MEF2C: variants seen among roughly 807,000 people sequenced by gnomAD.
MEF2C encodes myocyte enhancer factor 2C, also known as myocyte-specific enhancer factor 2C.
A neutral mutation model predicts 50.5 loss-of-function variants in MEF2C; 6 were observed. The ratio of observed to expected loss-of-function variants is 0.12; its 90% confidence interval spans 0.07 to 0.23. The LOEUF (loss-of-function observed/expected upper bound fraction) is 0.23, where lower values mean the gene tolerates loss of function less well. MEF2C is among the 10% of genes least tolerant of loss of function. The probability of loss-of-function intolerance (pLI) is 1.00; values close to 1 mark genes in which losing one functional copy is unlikely to be tolerated. For synonymous variants in MEF2C, 183 were observed against 228.0 expected (o/e 0.80, Z 1.78); for missense variants, 276 against 605.0 (o/e 0.46, Z 5.70).
chr5:88,798,793 C>G (rs1040142616), intron 3 of MEF2C, among the ~76,000 whole-genome samples: 6 of 152,164 alleles, frequency 3.9e-5, no homozygotes, highest in African/African-American at 4.8e-5. Flanking sequence ...TACCTTTGGT[C>G]TTTGATGCTG....
intron 4 of MEF2C, among the ~76,000 whole-genome samples, chr5:88,754,141 G>C (rs1774127356): frequency 6.6e-6 from 1 of 152,200 alleles, no homozygotes; most frequent in Admixed American, 6.5e-5. Context: ...CTGGTCAGTG[G>C]GGGAGGCACC....
rs191786512 is a variant in MEF2C at position 88,768,712 on chromosome 5, G to A, written c.259-7384C>T. ...AATGTTCAAATGTTAGAGGGAGGAA[G>A]ATTAGTCTCAGTGCAGTATTTTGCA... On this transcript the variant is annotated intron_variant, in intron 3 of 10. Transcript: ENST00000504921. The A allele has an allele frequency of 1.5e-4, 145 of 984,958 alleles. 5 individuals carry two copies. The East Asian group carries it at 0.011, about 76-fold the overall frequency. 61.0% of individuals were successfully genotyped at this position (984,958 alleles called of 1,614,324 possible).
chr5:88,788,223 C>T (rs1487846134), intron 3 of MEF2C, among the ~76,000 whole-genome samples: 3 of 150,884 alleles, frequency 2.0e-5, no homozygotes, highest in Admixed American at 6.6e-5. Context: ...GACTGTGTCT[C>T]GCTCTGTCAC....
intron 3 of MEF2C, among the ~76,000 whole-genome samples, chr5:88,791,176 T>G (rs1010303606): frequency 4.6e-5 from 7 of 152,164 alleles, no homozygotes; most frequent in African/African-American, 1.7e-4. Context: ...ATATGCTGCT[T>G]ACCACCAAGT....
rs1205052305 is a variant in MEF2C at position 88,841,543 on chromosome 5, G to GA, written c.-142-17614dup. 4.4e-4 allele frequency among the ~76,000 whole-genome samples: 64 copies of GA among 146,458 alleles called. 1 individual carries two copies. Among genetic ancestry groups the GA allele is most frequent in the African/African-American group, 1.0e-3 (42 of 40,100 alleles). Reference sequence around the variant, plus strand: ...AAAAAAGAAGAAAAAAAGAAGCAAAGAAAAAAAAATGATCTTAGGCTTTAG... The same window carrying GA: ...AAAAAAGAAGAAAAAAAGAAGCAAAGAAAAAAAAAATGATCTTAGGCTTTAG... On this transcript the variant is annotated intron_variant, in intron 1 of 10. Coordinates refer to ENST00000504921, the MANE Select transcript of MEF2C (RefSeq NM_002397.5).
rs1169605093 is a variant in MEF2C, at chr5:88,797,454, C to CTTTTTTTTTTTTTTTTTTTTTTTTTT, written c.258+7143_258+7144insAAAAAAAAAAAAAAAAAAAAAAAAAA. ...TCACAGACTAGGATTGCAACCCTTG[C>CTTTTTTTTTTTTTTTTTTTTTTTTTT]CTTTTTTTTTTTTTTTTTTTTTTTT... On this transcript the variant is annotated intron_variant, in intron 3 of 10. Coordinates refer to ENST00000504921, the MANE Select transcript of MEF2C (RefSeq NM_002397.5). Among the ~76,000 whole-genome samples the CTTTTTTTTTTTTTTTTTTTTTTTTTT allele has an allele frequency of 1.6e-4, 4 of 25,242 alleles. 2 individuals are homozygous for CTTTTTTTTTTTTTTTTTTTTTTTTTT. Among genetic ancestry groups the CTTTTTTTTTTTTTTTTTTTTTTTTTT allele is most frequent in the African/African-American group, 2.6e-4 (2 of 7,732 alleles). 16.6% of individuals were successfully genotyped at this position (25,242 alleles called of 152,430 possible). A position where few individuals can be genotyped will look rare whatever the true frequency, so the allele number is the denominator to read the frequency against.
intron 3 of MEF2C, chr5:88,775,859 C>G (rs1173101150): frequency 1.0e-6 from 1 of 970,660 alleles, no homozygotes; most frequent in African/African-American, 1.8e-5. Flanking sequence ...GATTTATATA[C>G]ATTTTATTTT....
At chr5:88,884,751 G>A (rs1334372995), upstream of MEF2C, among the ~76,000 whole-genome samples, 3 of 150,642 alleles carry the variant, frequency 2.0e-5, no homozygotes, top group Admixed American at 2.0e-4. Flanking sequence ...AGACTGATAA[G>A]GGAGGATACT....
At chr5:88,743,307 C>A in intron 6 of MEF2C, 1 of 985,206 alleles carries the variant, frequency 1.0e-6, no homozygotes, top group Non-Finnish European at 1.2e-6. Flanking sequence ...AAATTTTTAA[C>A]CACTTCACTG....
intron 1 of MEF2C, among the ~76,000 whole-genome samples, chr5:88,832,723 AC>A (rs1813552100): frequency 6.6e-6 from 1 of 152,196 alleles, no homozygotes; most frequent in African/African-American, 2.4e-5. Flanking sequence ...CAAAGCAGAA[AC>A]AGTTAAATTA....
chr5:88,738,234 G>A (rs1292106122), intron 6 of MEF2C: 2 of 985,234 alleles, frequency 2.0e-6, no homozygotes, highest in Admixed American at 1.2e-4. Context: ...GAGGCTCTCA[G>A]GTACTCATCT....
At chr5:88,768,911 C>T (rs1221285676) in intron 3 of MEF2C, among the ~76,000 whole-genome samples, 2 of 152,124 alleles carry the variant, frequency 1.3e-5, no homozygotes, top group Non-Finnish European at 2.9e-5. Context: ...AACATTATAA[C>T]TCACAAATTT....
upstream of MEF2C, among the ~76,000 whole-genome samples, chr5:88,886,649 G>C (rs1037679457): frequency 6.6e-6 from 1 of 152,170 alleles, no homozygotes; most frequent in Non-Finnish European, 1.5e-5. Context: ...TGGGATTGAT[G>C]TACTACTGTA....
At chr5:88,785,870 T>G (rs374832551) in intron 3 of MEF2C, among the ~76,000 whole-genome samples, 2 of 151,790 alleles carry the variant, frequency 1.3e-5, no homozygotes, top group East Asian at 3.9e-4. Context: ...GGGGCTAAAA[T>G]GTTTATTGGC....
At chr5:88,883,319 A>AAGAAGGAGGAGGAAG (rs1561481239), upstream of MEF2C, 2 of 151,742 alleles carry the variant, frequency 1.3e-5, no homozygotes, top group African/African-American at 2.4e-5. Context: ...GAGGAGGAGG[A>AAGAAGGAGGAGGAAG]AGAAGGAGGA....
chr5:88,834,763 A>G (rs1173291301), intron 1 of MEF2C, among the ~76,000 whole-genome samples: 1 of 152,120 alleles, frequency 6.6e-6, no homozygotes, highest in Non-Finnish European at 1.5e-5. Flanking sequence ...CTGGTGGTAC[A>G]AGCCTGGCCA....
intron 4 of MEF2C, among the ~76,000 whole-genome samples, chr5:88,760,794 G>A (rs1029729044): frequency 5.9e-5 from 9 of 152,158 alleles, no homozygotes; most frequent in Non-Finnish European, 1.2e-4. Flanking sequence ...TGAACTTTTC[G>A]ATGGCAACTC....
chr5:88,789,937 C>G (rs1052959232), intron 3 of MEF2C, among the ~76,000 whole-genome samples: 1 of 152,010 alleles, frequency 6.6e-6, no homozygotes, highest in Admixed American at 6.6e-5. Flanking sequence ...TTATTTTGAC[C>G]AAGAAAATAA....
At position 88,742,957 on chromosome 5, in the gene MEF2C, AAATAAT is replaced by A. The variant is rs533654002; in HGVS notation, c.637+6107_637+6112del. ...AAATATCATTGTTACTTAATTTCAT[AAATAAT>A]AATAATAAAGCAATGCCGTTAGTTA... On this transcript the variant is annotated intron_variant, in intron 6 of 10. Coordinates refer to ENST00000504921, the MANE Select transcript of MEF2C (RefSeq NM_002397.5). The A allele has an allele frequency of 8.2e-4, 801 of 973,892 alleles. 2 individuals carry two copies. Among genetic ancestry groups the A allele is most frequent in the Middle Eastern group, 2.6e-3 (5 of 1,890 alleles). 60.3% of individuals were successfully genotyped at this position (973,892 alleles called of 1,614,324 possible).
Sources: allele counts gnomAD v4.1 joint callset (sites outside exome capture counted in the v4.1 genomes callset), GRCh38; gene constraint gnomAD v4.1.1; transcripts MANE v1.5; gene names NCBI Gene and HGNC (gene_info 2026-07-23, HGNC 2026-07-21).